FER1L6: variants seen among roughly 807,000 people sequenced by gnomAD.
FER1L6 encodes the protein fer-1 like family member 6.
FER1L6 carries 177 observed loss-of-function variants against 219.2 expected under a neutral mutation model. The observed-to-expected ratio is 0.81, with a 90% CI of 0.71 to 0.91. FER1L6 has a LOEUF of 0.91. FER1L6 is among the 40% of genes least tolerant of loss of function. FER1L6 has a pLI of 0.00. For synonymous variants in FER1L6, 768 were observed against 824.3 expected (o/e 0.93, Z 1.17); for missense variants, 2,153 against 2,259.9 (o/e 0.95, Z 0.96).
intron 10 of FER1L6, 108 bp downstream of exon 10, chr8:123,977,717 C>T: frequency 1.0e-6 from 1 of 956,698 alleles, no homozygotes; most frequent in Non-Finnish European, 1.6e-6. Flanking sequence ...TTTCTGGCAC[C>T]AGATACCAGT....
chr8:123,954,010 A>G (rs981278509), intron 1 of FER1L6, among the ~76,000 whole-genome samples: 3 of 152,150 alleles, frequency 2.0e-5, no homozygotes, highest in South Asian at 2.1e-4. Context: ...GGAAAATGCT[A>G]CCTCCAAGAA....
At chr8:123,999,771 A>G (rs1472082538) in intron 12 of FER1L6, among the ~76,000 whole-genome samples, 1 of 152,212 alleles carries the variant, frequency 6.6e-6, no homozygotes, top group African/African-American at 2.4e-5. Context: ...GCTGGTATCC[A>G]AGTTGAAAGA....
intron 1 of FER1L6, among the ~76,000 whole-genome samples, chr8:123,949,431 A>G (rs115938957): frequency 6.6e-5 from 10 of 152,294 alleles, no homozygotes; most frequent in African/African-American, 2.4e-4. Context: ...CCCATTTGTA[A>G]TAAAATCTGT....
chr8:123,877,053 C>A (rs552561670), intron 1 of FER1L6, among the ~76,000 whole-genome samples: 15 of 152,322 alleles, frequency 9.8e-5, no homozygotes, highest in African/African-American at 3.1e-4. Context: ...TCCCTCCTCA[C>A]CCACACTGGT....
chr8:124,048,533 C>T (rs1400237149), intron 21 of FER1L6, among the ~76,000 whole-genome samples: 3 of 151,884 alleles, frequency 2.0e-5, no homozygotes, highest in Non-Finnish European at 4.4e-5. Flanking sequence ...CTTATAGAAA[C>T]ATATGGCCTA....
At chr8:123,959,209 C>T (rs1330009840) in intron 2 of FER1L6, among the ~76,000 whole-genome samples, 1 of 152,126 alleles carries the variant, frequency 6.6e-6, no homozygotes, top group Non-Finnish European at 1.5e-5. Flanking sequence ...TGCCTTTCTA[C>T]CTCGATGTCT....
intron 11 of FER1L6, 182 bp from the exon 12 acceptor site, chr8:123,985,886 T>C: frequency 1.8e-6 from 1 of 561,850 alleles, no homozygotes; most frequent in East Asian, 2.9e-5. Flanking sequence ...TAAATTTGGA[T>C]CTGCAGTTTG....
intron 12 of FER1L6, among the ~76,000 whole-genome samples, chr8:123,986,398 G>A (rs1816587895): frequency 6.6e-6 from 1 of 152,096 alleles, no homozygotes; most frequent in South Asian, 2.1e-4. Flanking sequence ...CACAGTAGGT[G>A]TATATATTTA....
chr8:124,071,421 C>A, intron 30 of FER1L6, 85 bp from the exon 31 acceptor site: 1 of 1,545,672 alleles, frequency 6.5e-7, no homozygotes, highest in Admixed American at 1.8e-5. Context: ...CAAGCTGTGC[C>A]CATTTTCCCA....
intron 39 of FER1L6, among the ~76,000 whole-genome samples, chr8:124,105,886 G>C (rs1324352929): frequency 2.0e-5 from 3 of 152,180 alleles, no homozygotes; most frequent in African/African-American, 7.2e-5. Flanking sequence ...TATGCTAAGT[G>C]AAAGAAGCCT....
In FER1L6 at chr8:124,070,532, C is replaced by A. The variant is rs377617175; in HGVS notation, c.3900C>A (p.Leu1300=). 8 of 1,613,264 alleles carry A rather than the reference C, an allele frequency of 5.0e-6. No homozygotes were observed. The African/African-American group carries it at 9.3e-5, about 19-fold the overall frequency. ...AAGACTGGGTGAAAACTTTTGAGCT[C>A]TTCAGAGGCAAGTCTACGGAAGATG... is the stretch of plus-strand genomic sequence containing the variant. The part of the protein sequence containing the change: ...NFEDWVKTFE[L]FRGKSTEDDH... Residue 1300 remains leucine (L), a synonymous_variant, in exon 30 of 41, where the codon CTC becomes CTA. Coordinates refer to ENST00000522917, the MANE Select transcript of FER1L6 (RefSeq NM_001039112.2).
intron 1 of FER1L6, among the ~76,000 whole-genome samples, chr8:123,914,524 C>T (rs1813129305): frequency 6.6e-6 from 1 of 152,194 alleles, no homozygotes; most frequent in South Asian, 2.1e-4. Flanking sequence ...GATTCAGCCA[C>T]ACCCCCAACC....
intron 31 of FER1L6, among the ~76,000 whole-genome samples, chr8:124,072,765 A>G (rs1315445130): frequency 6.6e-6 from 1 of 152,220 alleles, no homozygotes; most frequent in Non-Finnish European, 1.5e-5. Flanking sequence ...ACTTAGAGTC[A>G]CTGACAATGT....
chr8:124,025,039 T>C (rs566292221), intron 18 of FER1L6, among the ~76,000 whole-genome samples: 1 of 150,598 alleles, frequency 6.6e-6, no homozygotes, highest in East Asian at 1.9e-4. Context: ...TTTTATGCAG[T>C]TTTTAATGGA....
intron 11 of FER1L6, 122 bp downstream of exon 11, chr8:123,980,933 G>A: frequency 1.2e-6 from 1 of 817,464 alleles, no homozygotes; most frequent in Admixed American, 2.9e-5. Context: ...AAAAATTTGT[G>A]TTGGCCCAGC....
chr8:123,968,651 G>A (rs1200884614), intron 5 of FER1L6, among the ~76,000 whole-genome samples: 3 of 152,174 alleles, frequency 2.0e-5, no homozygotes, highest in Non-Finnish European at 4.4e-5. Flanking sequence ...AAAAGTTTAA[G>A]CATATATATG....
intron 39 of FER1L6, among the ~76,000 whole-genome samples, chr8:124,109,659 G>A (rs953022225): frequency 2.0e-5 from 3 of 152,140 alleles, no homozygotes; most frequent in Non-Finnish European, 2.9e-5. Flanking sequence ...TATCAACATA[G>A]TTTTTTCCTG....
chr8:123,920,382 G>T (rs1171655587), intron 1 of FER1L6, among the ~76,000 whole-genome samples: 1 of 152,178 alleles, frequency 6.6e-6, no homozygotes, highest in African/African-American at 2.4e-5. Flanking sequence ...CCATCATCTA[G>T]CCTCTGAGGG....
At chr8:123,922,981 C>A (rs1000696389) in intron 1 of FER1L6, among the ~76,000 whole-genome samples, 2 of 150,088 alleles carry the variant, frequency 1.3e-5, no homozygotes, top group Non-Finnish European at 3.0e-5. Context: ...AGCCCCCCCC[C>A]AGACCCCCAT....
Sources: allele counts gnomAD v4.1 joint callset (sites outside exome capture counted in the v4.1 genomes callset), GRCh38; gene constraint gnomAD v4.1.1; transcripts MANE v1.5; gene names NCBI Gene and HGNC (gene_info 2026-07-23, HGNC 2026-07-21).